BARD1: variants seen among roughly 807,000 people sequenced by gnomAD.
BARD1 encodes the protein BRCA1 associated RING domain 1.
In BARD1, 73 loss-of-function variants were observed where a neutral mutation model predicts 77.0. The observed-to-expected ratio is 0.95, with a 90% CI of 0.79 to 1.15. The LOEUF is 1.15. Ranked by LOEUF, BARD1 falls within the 50% of genes most tolerant of loss-of-function variation. BARD1 has a pLI of 0.00. For missense variants in BARD1, 993 were observed against 938.8 expected (o/e 1.06, Z -0.75); for synonymous variants, 384 against 338.0 (o/e 1.14, Z -1.49).
intron 7 of BARD1, among the ~76,000 whole-genome samples, chr2:214,751,521 A>T (rs968502958): frequency 1.3e-5 from 2 of 151,880 alleles, no homozygotes; most frequent in Non-Finnish European, 2.9e-5. Context: ...ATTCTACTGT[A>T]TATTTTTATA....
intron 2 of BARD1, among the ~76,000 whole-genome samples, chr2:214,796,136 C>A (rs1695744519): frequency 6.6e-6 from 1 of 152,188 alleles, no homozygotes; most frequent in African/African-American, 2.4e-5. Flanking sequence ...TATATTTTCC[C>A]TGTCTCATAG....
intron 3 of BARD1, among the ~76,000 whole-genome samples, chr2:214,784,617 G>A (rs1037914514): frequency 3.9e-5 from 6 of 152,060 alleles, no homozygotes; most frequent in African/African-American, 1.4e-4. Context: ...GCAAAGACTT[G>A]GAACCAACCC....
rs59814038 is a variant in BARD1 at position 214,771,943 on chromosome 2, A to AAAAAAAAAAAAAAAAAG, written c.1315-2632_1315-2631insCTTTTTTTTTTTTTTTT. 1.8e-4 allele frequency among the ~76,000 whole-genome samples: 26 copies of AAAAAAAAAAAAAAAAAG among 143,414 alleles called. 1 individual carries two copies. The highest frequency in any genetic ancestry group is 6.8e-4 in the African/African-American group (25 of 36,836). The allele number at this position is 143,414 out of a possible 152,430, so 94.1% of individuals were successfully genotyped here. A position where few individuals can be genotyped will look rare whatever the true frequency, so the allele number is the denominator to read the frequency against. On this transcript the variant is annotated intron_variant, in intron 4 of 10. Transcript: ENST00000260947. ...TTTCAGGAAAAAAAAAAAAAAAAAA[A>AAAAAAAAAAAAAAAAAG]GCAACATTTTCCCAGATTTCTTAAC...
intron 7 of BARD1, among the ~76,000 whole-genome samples, chr2:214,750,203 A>T (rs1400746256): frequency 2.0e-5 from 3 of 151,976 alleles, no homozygotes; most frequent in African/African-American, 7.3e-5. Context: ...CATAACTACC[A>T]TCTATAATTC....
At chr2:214,766,890 G>A (rs546452633) in intron 6 of BARD1, among the ~76,000 whole-genome samples, 4 of 151,740 alleles carry the variant, frequency 2.6e-5, no homozygotes, top group East Asian at 1.9e-4. Flanking sequence ...CTTGTGTAAC[G>A]GGGGTGTGTT....
chr2:214,799,138 T>A (rs1559444059), intron 1 of BARD1, among the ~76,000 whole-genome samples: 2 of 151,670 alleles, frequency 1.3e-5, no homozygotes, highest in East Asian at 1.9e-4. Flanking sequence ...AATAAAATTT[T>A]AAAAATATAA....
intron 4 of BARD1, among the ~76,000 whole-genome samples, chr2:214,775,415 T>C (rs1177443671): frequency 6.6e-6 from 1 of 152,142 alleles, no homozygotes; most frequent in African/African-American, 2.4e-5. Flanking sequence ...AGAAAAGACA[T>C]TTATCAATTA....
chr2:214,742,434 T>C (rs1447879587), intron 9 of BARD1, among the ~76,000 whole-genome samples: 1 of 152,236 alleles, frequency 6.6e-6, no homozygotes, highest in East Asian at 1.9e-4. Flanking sequence ...TCTTGCCTTC[T>C]TTTTGTAAAC....
intron 4 of BARD1, among the ~76,000 whole-genome samples, chr2:214,777,289 C>T (rs1219502782): frequency 1.3e-5 from 2 of 152,074 alleles, no homozygotes; most frequent in Non-Finnish European, 1.5e-5. Flanking sequence ...AAGGTTATGG[C>T]CAATGATGAT....
intron 3 of BARD1, 112 bp downstream of exon 3, chr2:214,792,185 T>C (rs1695545947): frequency 5.8e-6 from 5 of 863,874 alleles, no homozygotes; most frequent in Non-Finnish European, 8.4e-6. Flanking sequence ...GATTTTAAAA[T>C]CTGAAATACG....
At position 214,776,946 on chromosome 2, in the gene BARD1, TGA is replaced by T. The variant is rs148053424; in HGVS notation, c.1314+3612_1314+3613del. The stretch of plus-strand genomic sequence containing the variant: ...AAGAGGACCACGAACTAAAGGAATG[TGA>T]GAGTCTCTAGAACCTGGAAACAACC... On this transcript the variant is annotated intron_variant, in intron 4 of 10. Coordinates refer to ENST00000260947, the MANE Select transcript of BARD1 (RefSeq NM_000465.4). Among the ~76,000 whole-genome samples, 813 of 152,262 alleles carry T rather than the reference TGA, an allele frequency of 5.3e-3. 9 individuals are homozygous for T. Among genetic ancestry groups the T allele is most frequent in the African/African-American group, 0.018 (761 of 41,528 alleles).
chr2:214,772,106 TA>T (rs1428763596), intron 4 of BARD1, among the ~76,000 whole-genome samples: 1 of 151,482 alleles, frequency 6.6e-6, no homozygotes, highest in Non-Finnish European at 1.5e-5. Context: ...ATGCTACTGC[TA>T]GGCATACATC....
At chr2:214,768,815 A>G (rs966139446) in intron 5 of BARD1, among the ~76,000 whole-genome samples, 1 of 152,242 alleles carries the variant, frequency 6.6e-6, no homozygotes, top group African/African-American at 2.4e-5. Flanking sequence ...GATAGGGTAT[A>G]AGTGAGGCTA....
At position 214,752,668 on chromosome 2, in the gene BARD1, T is replaced by C. The variant is rs1574757025; in HGVS notation, c.1569-113A>G. The C allele has an allele frequency of 1.0e-4, 80 of 785,498 alleles. 1 individual carries two copies. In the East Asian group the frequency reaches 2.1e-3, roughly 21 times the overall value. The allele number at this position is 785,498 out of a possible 1,614,324, so 48.7% of individuals were successfully genotyped here. ...ACTAAAATAAATTACTCAGAACTCA[T>C]ATTAGGCAGAAGAATCTAGAATCAA... On this transcript the variant is annotated intron_variant, in intron 6 of 10. Coordinates refer to ENST00000260947, the MANE Select transcript of BARD1 (RefSeq NM_000465.4).
At chr2:214,789,215 T>G (rs1055310465) in intron 3 of BARD1, among the ~76,000 whole-genome samples, 1 of 152,010 alleles carries the variant, frequency 6.6e-6, no homozygotes, top group Non-Finnish European at 1.5e-5. Flanking sequence ...TAAACCAAAT[T>G]CTAAGAATGT....
At chr2:214,745,272 G>A (rs944636619) in intron 8 of BARD1, 113 bp from the exon 9 acceptor site, 2 of 924,584 alleles carry the variant, frequency 2.2e-6, no homozygotes, top group East Asian at 5.3e-5. Flanking sequence ...ATCTTCAAAG[G>A]CAACAATTTT....
intron 2 of BARD1, chr2:214,796,760 T>G: frequency 2.9e-6 from 1 of 340,414 alleles, no homozygotes; most frequent in Non-Finnish European, 5.4e-6. Context: ...AAAATTTAAC[T>G]GGAAAATTTA....
At chr2:214,775,844 A>G (rs547660839) in intron 4 of BARD1, among the ~76,000 whole-genome samples, 67 of 152,316 alleles carry the variant, frequency 4.4e-4, no homozygotes, top group Non-Finnish European at 8.4e-4. Flanking sequence ...TTAGAAATTA[A>G]ACTCTTGAAA....
intron 4 of BARD1, among the ~76,000 whole-genome samples, chr2:214,771,418 G>A (rs979855587): frequency 6.6e-6 from 1 of 151,778 alleles, no homozygotes; most frequent in African/African-American, 2.4e-5. Context: ...TATAATATTT[G>A]ATTTTTTTTT....
Sources: allele counts gnomAD v4.1 joint callset (sites outside exome capture counted in the v4.1 genomes callset), GRCh38; gene constraint gnomAD v4.1.1; transcripts MANE v1.5; gene names NCBI Gene and HGNC (gene_info 2026-07-23, HGNC 2026-07-21).